Variants in MYO3B observed in about 807,000 individuals in gnomAD.
MYO3B encodes the protein myosin IIIB, also known as myosin-IIIb.
In MYO3B, 156 loss-of-function variants were observed where a neutral mutation model predicts 174.6. The ratio of observed to expected loss-of-function variants is 0.89; its 90% CI spans 0.78 to 1.02. MYO3B has a LOEUF of 1.02. Ranked by LOEUF, MYO3B falls within the 50% of genes least tolerant of loss-of-function variation. The pLI is 0.00. For synonymous variants in MYO3B, 563 were observed against 569.1 expected, an observed-to-expected ratio of 0.99 and a Z score of 0.15; for missense variants, 1,632 against 1,639.4, an observed-to-expected ratio of 1.00 and a Z score of 0.08.
chr2:170,538,145 A>T (rs1323917897), intron 30 of MYO3B, among the ~76,000 whole-genome samples: 1 of 152,200 alleles, frequency 6.6e-6, no homozygotes, highest in African/African-American at 2.4e-5. Flanking sequence ...TTCTAACCCT[A>T]AAATAGAAAA....
chr2:170,179,298 AAG>A (rs1238164151), intron 1 of MYO3B, among the ~76,000 whole-genome samples: 3 of 152,062 alleles, frequency 2.0e-5, no homozygotes, highest in Non-Finnish European at 2.9e-5. Flanking sequence ...GGCCTCCTAG[AAG>A]AGAAGACATT....
At chr2:170,507,606 T>C (rs533238926) in intron 28 of MYO3B, among the ~76,000 whole-genome samples, 18 of 152,248 alleles carry the variant, frequency 1.2e-4, no homozygotes, top group African/African-American at 4.3e-4. Context: ...TTGGTCAGGC[T>C]GGTCTCAAAC....
intron 1 of MYO3B, among the ~76,000 whole-genome samples, chr2:170,192,696 ATT>A (rs1456421155): frequency 6.6e-6 from 1 of 151,426 alleles, no homozygotes; most frequent in Admixed American, 6.6e-5. Context: ...ATTCTATAAC[ATT>A]TTGTTTTTCA....
intron 1 of MYO3B, among the ~76,000 whole-genome samples, chr2:170,189,167 G>A (rs986368799): frequency 3.3e-5 from 5 of 151,894 alleles, no homozygotes; most frequent in Admixed American, 1.3e-4. Context: ...TAAATATGCC[G>A]TGTCACTGAG....
intron 32 of MYO3B, among the ~76,000 whole-genome samples, chr2:170,603,055 C>T (rs536495133): frequency 2.6e-5 from 4 of 151,846 alleles, no homozygotes; most frequent in South Asian, 4.2e-4. Flanking sequence ...GCAACAAGAG[C>T]GAAACTCTGT....
chr2:170,456,422 C>G (rs1451156409), intron 23 of MYO3B, among the ~76,000 whole-genome samples: 1 of 152,138 alleles, frequency 6.6e-6, no homozygotes. Context: ...AGAACAGCTT[C>G]ATCCTGGGCT....
intron 3 of MYO3B, 77 bp downstream of exon 3, chr2:170,200,361 T>C: frequency 6.6e-7 from 1 of 1,518,198 alleles, no homozygotes; most frequent in Non-Finnish European, 8.9e-7. Flanking sequence ...ACCTAGAGGG[T>C]GTTTTAAGGT....
intron 7 of MYO3B, among the ~76,000 whole-genome samples, chr2:170,255,122 A>G (rs552196953): frequency 3.9e-5 from 6 of 152,172 alleles, no homozygotes; most frequent in East Asian, 1.9e-4. Context: ...GCCTGCACAC[A>G]TACTCCATCA....
intron 32 of MYO3B, among the ~76,000 whole-genome samples, chr2:170,616,052 C>T (rs983019612): frequency 2.6e-5 from 4 of 152,168 alleles, no homozygotes; most frequent in Admixed American, 1.3e-4. Context: ...AACAGAAACA[C>T]AATCTTTCCA....
chr2:170,563,190 A>G (rs866031194), intron 32 of MYO3B, among the ~76,000 whole-genome samples: 3 of 152,068 alleles, frequency 2.0e-5, no homozygotes, highest in African/African-American at 4.8e-5. Flanking sequence ...TCAGCAGGAA[A>G]CAGATTGCAC....
chr2:170,467,354 A>C (rs991853780), intron 25 of MYO3B, among the ~76,000 whole-genome samples: 8 of 152,170 alleles, frequency 5.3e-5, no homozygotes, highest in Admixed American at 3.9e-4. Context: ...TAATCTCTTC[A>C]GTTCAGTGCA....
intron 7 of MYO3B, among the ~76,000 whole-genome samples, chr2:170,282,843 C>CTGACCTCTATA (rs1349363469): frequency 5.3e-5 from 8 of 152,086 alleles, no homozygotes; most frequent in African/African-American, 1.9e-4. Context: ...GGGTTGCTAT[C>CTGACCTCTATA]GGTGATAGCC....
chr2:170,432,654 G>A (rs1243543755), intron 22 of MYO3B, among the ~76,000 whole-genome samples: 1 of 151,100 alleles, frequency 6.6e-6, no homozygotes, highest in Non-Finnish European at 1.5e-5. Context: ...TCGGCTCACT[G>A]CAAGCTCCGC....
chr2:170,467,200 C>A (rs1684696977), intron 25 of MYO3B, among the ~76,000 whole-genome samples: 1 of 152,142 alleles, frequency 6.6e-6, no homozygotes, highest in Non-Finnish European at 1.5e-5. Flanking sequence ...AAGCTAGACT[C>A]TATTATCATC....
chr2:170,293,130 CCT>C (rs1199571325), intron 7 of MYO3B, among the ~76,000 whole-genome samples: 1 of 152,068 alleles, frequency 6.6e-6, no homozygotes. Context: ...TGCATCTCAT[CCT>C]CATATTTGAC....
intron 7 of MYO3B, among the ~76,000 whole-genome samples, chr2:170,320,985 T>C (rs2093821654): frequency 6.6e-6 from 1 of 152,172 alleles, no homozygotes; most frequent in Admixed American, 6.5e-5. Context: ...CTACTTGGGA[T>C]GCTGAGGCGG....
chr2:170,613,477 G>T (rs779039128), intron 32 of MYO3B, among the ~76,000 whole-genome samples: 3 of 152,158 alleles, frequency 2.0e-5, no homozygotes, highest in Admixed American at 6.5e-5. Context: ...CTGCTAAAAA[G>T]CATATTAATG....
chr2:170,352,601 G>T (rs1031037011), intron 8 of MYO3B, among the ~76,000 whole-genome samples: 3 of 152,158 alleles, frequency 2.0e-5, no homozygotes, highest in African/African-American at 7.2e-5. Context: ...GCGGATAGGG[G>T]TGGGAGTGGG....
Position 170,572,305 on chromosome 2 carries a change from A to G in MYO3B, c.3733+28317A>G, listed in dbSNP as rs901568992. Among the ~76,000 whole-genome samples the G allele has an allele frequency of 4.6e-5, 7 of 151,870 alleles. No individual in the cohort carries two copies. The South Asian group carries it at 1.3e-3, about 27-fold the overall frequency. ...TAGCTGGGTGTGGTGGCGGGTGCCT[A>G]TAATCCCAGCTACTCAGGAGGCTGA... On this transcript the variant is annotated intron_variant, in intron 32 of 34. Transcript: ENST00000408978.
Sources: gnomAD v4.1 joint callset for allele counts (sites outside exome capture counted in the v4.1 genomes callset) on GRCh38, gnomAD v4.1.1 for gene constraint, MANE v1.5 for transcripts, NCBI Gene and HGNC (gene_info 2026-07-23, HGNC 2026-07-21) for gene names.